DLG1: variants seen among roughly 807,000 people sequenced by gnomAD.
DLG1 encodes the protein disks large homolog 1.
DLG1 carries 42 observed loss-of-function variants against 123.4 expected under a neutral mutation model. The ratio of observed to expected loss-of-function variants is 0.34; its 90% CI spans 0.27 to 0.44. The LOEUF (loss-of-function observed/expected upper bound fraction) is 0.44, where lower values mean the gene tolerates loss of function less well. Ranked by LOEUF, DLG1 falls within the 20% of genes least tolerant of loss-of-function variation. The probability of loss-of-function intolerance (pLI) is 1.00; values close to 1 mark genes in which losing one functional copy is unlikely to be tolerated. For missense variants in DLG1, 942 were observed against 1,082.6 expected (o/e 0.87, Z 1.82); for synonymous variants, 317 against 356.2 (o/e 0.89, Z 1.24).
intron 18 of DLG1, chr3:197,070,598 C>G (rs1232323229): frequency 1.6e-5 from 1 of 61,304 alleles, no homozygotes; most frequent in African/African-American, 4.2e-5. Context: ...GAGATAGTCT[C>G]CCTTTGTTGC....
At chr3:197,067,489 T>C (rs1402891225) in intron 19 of DLG1, among the ~76,000 whole-genome samples, 1 of 149,892 alleles carries the variant, frequency 6.7e-6, no homozygotes, top group African/African-American at 2.4e-5. Context: ...TAAAAGAGTC[T>C]ACAAATTATA....
intron 3 of DLG1, among the ~76,000 whole-genome samples, chr3:197,288,639 T>G (rs1773095756): frequency 6.8e-6 from 1 of 147,950 alleles, no homozygotes. Flanking sequence ...GAGAATCGCT[T>G]GAACCTAGGA....
In DLG1 at chr3:197,257,775, T is replaced by C. The variant is rs574787032; in HGVS notation, c.318+24904A>G. Among the ~76,000 whole-genome samples, 27 of 152,304 alleles carry C rather than the reference T, an allele frequency of 1.8e-4. No individual in the cohort carries two copies. The South Asian group carries it at 2.3e-3, about 13-fold the overall frequency. On this transcript the variant is annotated intron_variant, in intron 4 of 24. Transcript: ENST00000667157. ...GCTGCGGTTTAAGCAGAGTGCTTTA[T>C]TGCTAACATAAGAAAATATACCATA...
intron 4 of DLG1, among the ~76,000 whole-genome samples, chr3:197,243,057 G>A (rs929767009): frequency 2.0e-5 from 3 of 152,158 alleles, no homozygotes; most frequent in Admixed American, 6.5e-5. Context: ...TGCTGCCTGC[G>A]TTAGTTACGA....
chr3:197,183,596 C>A, intron 5 of DLG1: 1 of 1,550,322 alleles, frequency 6.5e-7, no homozygotes, highest in South Asian at 1.2e-5. Flanking sequence ...TGGTGGCTAC[C>A]GAGATGCAGT....
chr3:197,152,871 G>GT (rs1284492270), intron 5 of DLG1, among the ~76,000 whole-genome samples: 3 of 151,164 alleles, frequency 2.0e-5, no homozygotes, highest in Non-Finnish European at 2.9e-5. Context: ...GATTGCTGCT[G>GT]TAACAGACTG....
intron 23 of DLG1, among the ~76,000 whole-genome samples, chr3:197,056,781 G>C (rs548532432): frequency 1.6e-4 from 24 of 152,300 alleles, no homozygotes; most frequent in African/African-American, 5.8e-4. Flanking sequence ...CACAGAGCAT[G>C]ACTAGGACCC....
rs144997122 is a variant in DLG1 at position 197,164,946 on chromosome 3, G to T, written c.484-15150C>A. Among the ~76,000 whole-genome samples the T allele has an allele frequency of 6.6e-5, 10 of 151,132 alleles. No homozygotes were observed. In the South Asian group the frequency reaches 1.5e-3, roughly 22 times the overall value. On this transcript the variant is annotated intron_variant, in intron 5 of 24. Transcript: ENST00000667157. ...CAAAAAAAGAAAGAAAGAAAGAAAA[G>T]AAAATTATATGAGATTATCATACAG...
At position 197,060,018 on chromosome 3, in the gene DLG1, GA is replaced by G; in HGVS notation, c.2374-21del. On this transcript the variant is annotated intron_variant, in intron 22 of 24. Coordinates refer to ENST00000667157, the MANE Select transcript of DLG1 (RefSeq NM_001366207.1). ...TTTGCCCTAAAATAAAGGGAACAAA[GA>G]AAAAAAACAAGTGAGCCAAATATTC... The G allele has an allele frequency of 1.3e-6, 2 of 1,570,198 alleles. No individual in the cohort carries two copies. Among genetic ancestry groups the G allele is most frequent in the Non-Finnish European group, 1.7e-6 (2 of 1,151,388 alleles).
At chr3:197,098,648 C>T (rs912201333) in intron 14 of DLG1, among the ~76,000 whole-genome samples, 1 of 152,130 alleles carries the variant, frequency 6.6e-6, no homozygotes, top group Non-Finnish European at 1.5e-5. Flanking sequence ...GATTCTTGTG[C>T]CTCAGCCTCC....
rs1390229444 is a variant in DLG1, at chr3:197,085,773, A to T, written c.1662-17T>A. The T allele has an allele frequency of 4.4e-6, 7 of 1,602,218 alleles. No individual in the cohort carries two copies. The highest frequency in any genetic ancestry group is 6.0e-6 in the Non-Finnish European group (7 of 1,175,392). ...AAAAGGGCTCTAGAGTCAGAAGAAA[A>T]AAAGTCCATAATCACTTGTTATAAT... is the stretch of plus-strand genomic sequence containing the variant. On this transcript the variant is annotated splice_polypyrimidine_tract_variant and intron_variant, in intron 15 of 24. Coordinates refer to ENST00000667157, the MANE Select transcript of DLG1 (RefSeq NM_001366207.1).
At chr3:197,174,595 T>C (rs1806027230) in intron 5 of DLG1, among the ~76,000 whole-genome samples, 1 of 152,178 alleles carries the variant, frequency 6.6e-6, no homozygotes, top group Non-Finnish European at 1.5e-5. Flanking sequence ...AAGCAATTAA[T>C]TCTTAATATT....
chr3:197,193,540 G>C (rs1720782184), intron 5 of DLG1, among the ~76,000 whole-genome samples: 1 of 152,040 alleles, frequency 6.6e-6, no homozygotes. Flanking sequence ...TCCATCAAAA[G>C]TAAAATAAAT....
intron 24 of DLG1, among the ~76,000 whole-genome samples, chr3:197,047,417 A>G (rs1448955754): frequency 6.6e-6 from 1 of 152,236 alleles, no homozygotes; most frequent in African/African-American, 2.4e-5. Flanking sequence ...TTTGAAAAAA[A>G]TAAGAAAGCA....
chr3:197,110,900 A>G (rs888737031), intron 13 of DLG1, among the ~76,000 whole-genome samples: 3 of 152,164 alleles, frequency 2.0e-5, no homozygotes, highest in Non-Finnish European at 4.4e-5. Flanking sequence ...ACAGAGGCTC[A>G]TGATCAGGTA....
rs563028592 is a variant in DLG1 at position 197,060,018 on chromosome 3, G to GA, written c.2374-21dup. 262 of 1,569,716 alleles carry GA rather than the reference G, an allele frequency of 1.7e-4. 1 individual carries two copies. Among genetic ancestry groups the GA allele is most frequent in the African/African-American group, 1.2e-3 (85 of 72,974 alleles). The stretch of plus-strand genomic sequence containing the variant: ...TTTGCCCTAAAATAAAGGGAACAAA[G>GA]AAAAAAAACAAGTGAGCCAAATATT... On this transcript the variant is annotated intron_variant, in intron 22 of 24. Coordinates refer to ENST00000667157, the MANE Select transcript of DLG1 (RefSeq NM_001366207.1).
intron 5 of DLG1, among the ~76,000 whole-genome samples, chr3:197,184,564 G>C (rs939260138): frequency 1.3e-5 from 2 of 152,018 alleles, no homozygotes; most frequent in African/African-American, 4.8e-5. Context: ...GTAATGTATT[G>C]GTTTTTAATG....
rs139998889 is a variant in DLG1 at position 197,191,511 on chromosome 3, G to C, written c.483+2914C>G. On this transcript the variant is annotated intron_variant, in intron 5 of 24. Coordinates refer to ENST00000667157, the MANE Select transcript of DLG1 (RefSeq NM_001366207.1). ...CTAAAATACCTACCAAAAGACCAGA[G>C]TTGGCCATGTGCAAATTGGCTTTGG... 9.5e-3 allele frequency among the ~76,000 whole-genome samples: 1,448 copies of C among 152,286 alleles called. 22 individuals are homozygous for C. Among genetic ancestry groups the C allele is most frequent in the African/African-American group, 0.033 (1,367 of 41,532 alleles).
At chr3:197,130,434 G>A in intron 11 of DLG1, 93 bp downstream of exon 11, 1 of 1,097,902 alleles carries the variant, frequency 9.1e-7, no homozygotes, top group Non-Finnish European at 1.2e-6. Flanking sequence ...TTTGCATAAT[G>A]TTTAAACTTT....
Sources: allele counts gnomAD v4.1 joint callset (sites outside exome capture counted in the v4.1 genomes callset), GRCh38; gene constraint gnomAD v4.1.1; transcripts MANE v1.5; gene names NCBI Gene and HGNC (gene_info 2026-07-23, HGNC 2026-07-21).